Variants in SH3RF3 observed in about 807,000 individuals in gnomAD.
SH3RF3 encodes the protein SH3 domain containing ring finger 3.
A neutral mutation model predicts 66.3 loss-of-function variants in SH3RF3; 29 were observed. The observed-to-expected ratio is 0.44, with a 90% CI of 0.33 to 0.60. The LOEUF (loss-of-function observed/expected upper bound fraction) is 0.60, where lower values mean the gene tolerates loss of function less well. Ranked by LOEUF, SH3RF3 falls within the 20% of genes least tolerant of loss-of-function variation. The pLI is 0.04. For missense variants in SH3RF3, 1,194 were observed against 1,190.9 expected, an observed-to-expected ratio of 1.00 and a Z score of -0.04; for synonymous variants, 583 against 532.0, an observed-to-expected ratio of 1.10 and a Z score of -1.32.
chr2:109,171,996 G>T (rs1361056888), intron 1 of SH3RF3, among the ~76,000 whole-genome samples: 1 of 152,234 alleles, frequency 6.6e-6, no homozygotes, highest in Non-Finnish European at 1.5e-5. Context: ...TGAGTCGCCC[G>T]TTTCCCAATA....
intron 1 of SH3RF3, among the ~76,000 whole-genome samples, chr2:109,203,118 G>A (rs1377610623): frequency 3.9e-5 from 6 of 152,076 alleles, no homozygotes; most frequent in Non-Finnish European, 8.8e-5. Flanking sequence ...CGGTGCCCTG[G>A]GCCTGTCCGT....
chr2:109,290,550 A>C (rs1162220226), intron 1 of SH3RF3, among the ~76,000 whole-genome samples: 3 of 152,234 alleles, frequency 2.0e-5, no homozygotes, highest in Non-Finnish European at 2.9e-5. Flanking sequence ...ATGTCCTCTG[A>C]CTATCCTTTG....
intron 5 of SH3RF3, among the ~76,000 whole-genome samples, chr2:109,432,282 T>G (rs1677249370): frequency 6.6e-6 from 1 of 152,170 alleles, no homozygotes; most frequent in African/African-American, 2.4e-5. Context: ...ACCCCTCCCC[T>G]GCAGGCAGCT....
intron 1 of SH3RF3, among the ~76,000 whole-genome samples, chr2:109,203,851 T>C (rs13396408): frequency 0.28 from 43,000 of 152,070 alleles, 6,378 homozygotes; most frequent in East Asian, 0.47. Context: ...GGTGCCTCGC[T>C]ACCTACCCCT....
chr2:109,461,872 G>C (rs886491670), intron 8 of SH3RF3, among the ~76,000 whole-genome samples: 1 of 152,076 alleles, frequency 6.6e-6, no homozygotes, highest in Non-Finnish European at 1.5e-5. Context: ...TTAATAAATA[G>C]GCCAAATTAA....
intron 2 of SH3RF3, among the ~76,000 whole-genome samples, chr2:109,352,486 G>C (rs1212500889): frequency 2.0e-5 from 3 of 152,226 alleles, no homozygotes; most frequent in African/African-American, 7.2e-5. Context: ...CAAATTTGCA[G>C]TGTCGTCTCT....
At chr2:109,441,105 C>G (rs1333527951) in intron 7 of SH3RF3, among the ~76,000 whole-genome samples, 1 of 119,356 alleles carries the variant, frequency 8.4e-6, no homozygotes, top group Non-Finnish European at 1.7e-5. Flanking sequence ...TGTCCCAGAA[C>G]AAAGCTTAAG....
At chr2:109,428,312 G>A (rs568045671) in intron 5 of SH3RF3, among the ~76,000 whole-genome samples, 18 of 152,232 alleles carry the variant, frequency 1.2e-4, no homozygotes, top group Admixed American at 2.0e-4. Context: ...TGATTAGAGC[G>A]GAAGAGAAAT....
At chr2:109,387,905 T>C (rs761461855) in intron 3 of SH3RF3, among the ~76,000 whole-genome samples, 16 of 151,752 alleles carry the variant, frequency 1.1e-4, no homozygotes, top group Non-Finnish European at 2.4e-4. Context: ...ACACGGCCCT[T>C]CCTGACTCGT....
chr2:109,502,049 G>A lies in SH3RF3; in HGVS notation c.*378G>A, dbSNP rs1490954435. On this transcript the variant is annotated 3_prime_UTR_variant, in exon 10 of 10. Transcript: ENST00000309415. The stretch of plus-strand genomic sequence containing the variant: ...GTTGCAGGAGGTCTGCAGGCGAGGT[G>A]GGTGGCATGGGGGCCAGGAGCGCTG... 2 of 207,856 alleles carry A rather than the reference G, an allele frequency of 9.6e-6. No homozygotes were observed. Among genetic ancestry groups the A allele is most frequent in the Non-Finnish European group, 2.0e-5 (2 of 100,748 alleles). The allele number at this position is 207,856 out of a possible 1,614,324, so 12.9% of individuals were successfully genotyped here.
chr2:109,461,187 T>C (rs1678200267), intron 8 of SH3RF3, among the ~76,000 whole-genome samples: 2 of 152,358 alleles, frequency 1.3e-5, no homozygotes, highest in Admixed American at 6.5e-5. Flanking sequence ...AATGCTGCTG[T>C]GCACGCCCAG....
intron 3 of SH3RF3, among the ~76,000 whole-genome samples, chr2:109,387,867 G>T (rs1268009965): frequency 6.6e-6 from 1 of 150,562 alleles, no homozygotes; most frequent in African/African-American, 2.5e-5. Flanking sequence ...TTGGGGGGGG[G>T]GTCTCCTCCC....
chr2:109,334,888 A>G (rs1203146516), intron 1 of SH3RF3, among the ~76,000 whole-genome samples: 1 of 152,170 alleles, frequency 6.6e-6, no homozygotes, highest in Non-Finnish European at 1.5e-5. Context: ...CAGTGTTTTT[A>G]TTGAGAAGCC....
Position 109,213,980 on chromosome 2 carries a change from T to A in SH3RF3, c.573+83867T>A, listed in dbSNP as rs756174537. 4.9e-4 allele frequency among the ~76,000 whole-genome samples: 75 copies of A among 151,908 alleles called. 1 individual carries two copies. Among genetic ancestry groups the A allele is most frequent in the South Asian group, 2.1e-4 (1 of 4,812 alleles). On this transcript the variant is annotated intron_variant, in intron 1 of 9. Coordinates refer to ENST00000309415, the MANE Select transcript of SH3RF3 (RefSeq NM_001099289.3). Reference sequence around the variant, plus strand: ...TGGAGCAGTCCCTGCAAAAGACCTGTGGATTGGGTGGACGTGGCGGGCAGG... The same window carrying A: ...TGGAGCAGTCCCTGCAAAAGACCTGAGGATTGGGTGGACGTGGCGGGCAGG...
chr2:109,272,824 C>T (rs1321220158), intron 1 of SH3RF3, among the ~76,000 whole-genome samples: 2 of 152,192 alleles, frequency 1.3e-5, no homozygotes, highest in African/African-American at 4.8e-5. Context: ...GGACGTCAGG[C>T]TTGGTGTGTG....
At chr2:109,410,803 G>A (rs1051424371) in intron 4 of SH3RF3, among the ~76,000 whole-genome samples, 5 of 152,196 alleles carry the variant, frequency 3.3e-5, no homozygotes, top group Admixed American at 6.5e-5. Flanking sequence ...TGCTAGGCGC[G>A]ACTTCGTGGG....
At chr2:109,235,767 C>T (rs1289807154) in intron 1 of SH3RF3, among the ~76,000 whole-genome samples, 1 of 152,222 alleles carries the variant, frequency 6.6e-6, no homozygotes, top group Non-Finnish European at 1.5e-5. Context: ...AGACTCTCTA[C>T]TGAGCCCCTC....
At chr2:109,284,098 C>T (rs923219733) in intron 1 of SH3RF3, among the ~76,000 whole-genome samples, 2 of 152,266 alleles carry the variant, frequency 1.3e-5, no homozygotes, top group Admixed American at 6.5e-5. Flanking sequence ...CCAGATCCAC[C>T]GTAATGAAAG....
intron 1 of SH3RF3, among the ~76,000 whole-genome samples, chr2:109,232,006 T>C (rs148840810): frequency 1.1e-3 from 169 of 152,354 alleles, no homozygotes; most frequent in African/African-American, 2.7e-3. Flanking sequence ...TGTGTATGAA[T>C]CTGCCACGTT....
Sources: allele counts gnomAD v4.1 joint callset (sites outside exome capture counted in the v4.1 genomes callset), GRCh38; gene constraint gnomAD v4.1.1; transcripts MANE v1.5; gene names NCBI Gene and HGNC (gene_info 2026-07-23, HGNC 2026-07-21).